The following CNN3 variants were observed in gnomAD, a reference collection of about 807,000 sequenced individuals.
CNN3 encodes calponin-3.
A neutral mutation model predicts 39.0 loss-of-function variants in CNN3; 11 were observed. The observed-to-expected ratio is 0.28, with a 90% confidence interval of 0.18 to 0.47. CNN3 has a LOEUF of 0.47. Among genes scored for constraint, CNN3 ranks in the 20% least tolerant of loss-of-function variants. The probability of loss-of-function intolerance (pLI) is 0.99; values close to 1 mark genes in which losing one functional copy is unlikely to be tolerated. For synonymous variants in CNN3, 101 were observed against 138.3 expected, an observed-to-expected ratio of 0.73 and a Z score of 1.89; for missense variants, 266 against 403.4, an observed-to-expected ratio of 0.66 and a Z score of 2.92.
chr1:94,915,938 C>A (rs1671269090), intron 1 of CNN3, among the ~76,000 whole-genome samples: 1 of 152,160 alleles, frequency 6.6e-6, no homozygotes, highest in Non-Finnish European at 1.5e-5. Flanking sequence ...CTGAGCTGGG[C>A]CCCTTCTCTT....
At chr1:94,908,228 C>G (rs1372185714) in intron 1 of CNN3, among the ~76,000 whole-genome samples, 2 of 152,178 alleles carry the variant, frequency 1.3e-5, no homozygotes, top group Non-Finnish European at 2.9e-5. Context: ...AAGAAAAAAG[C>G]CTCCTAGGGC....
At chr1:94,903,623 G>T in intron 1 of CNN3, 99 bp from the exon 2 acceptor site, 1 of 1,490,444 alleles carries the variant, frequency 6.7e-7, no homozygotes, top group South Asian at 1.2e-5. Context: ...TAAGACCACA[G>T]CTGTGAAGTG....
At chr1:94,915,824 T>C (rs553912122) in intron 1 of CNN3, among the ~76,000 whole-genome samples, 1 of 152,284 alleles carries the variant, frequency 6.6e-6, no homozygotes, top group African/African-American at 2.4e-5. Context: ...CATCAGTGGC[T>C]CTAGCATAAT....
At chr1:94,904,833 G>A (rs967626338) in intron 1 of CNN3, among the ~76,000 whole-genome samples, 2 of 152,110 alleles carry the variant, frequency 1.3e-5, no homozygotes, top group African/African-American at 4.8e-5. Context: ...TGGTGAAAAT[G>A]CCAAGTATAC....
At chr1:94,898,545 G>A (rs894357466) in intron 6 of CNN3, among the ~76,000 whole-genome samples, 11 of 152,126 alleles carry the variant, frequency 7.2e-5, no homozygotes, top group African/African-American at 2.7e-4. Context: ...AAACTATGTT[G>A]AGCAGATCTT....
intron 1 of CNN3, among the ~76,000 whole-genome samples, chr1:94,909,365 G>T (rs939772347): frequency 1.3e-5 from 2 of 152,076 alleles, no homozygotes; most frequent in African/African-American, 2.4e-5. Flanking sequence ...AGGGATAGGA[G>T]GTAACTAGGA....
chr1:94,906,759 T>A (rs1426792225), intron 1 of CNN3, among the ~76,000 whole-genome samples: 1 of 152,184 alleles, frequency 6.6e-6, no homozygotes, highest in Non-Finnish European at 1.5e-5. Context: ...TAGAGAAAAA[T>A]TATGTTAGAG....
At chr1:94,899,861 A>G (rs12410755) in intron 5 of CNN3, among the ~76,000 whole-genome samples, 33,506 of 152,140 alleles carry the variant, frequency 0.22, 3,907 homozygotes, top group African/African-American at 0.24. Context: ...GGTTATTTCA[A>G]CAGAAGTAAT....
Position 94,901,834 on chromosome 1 carries a change from G to T in CNN3, c.385-49C>A, listed in dbSNP as rs1266363319. On this transcript the variant is annotated intron_variant, in intron 4 of 6. Coordinates refer to ENST00000370206, the MANE Select transcript of CNN3 (RefSeq NM_001839.5). ...CTGAAAAGGCCAACAGAGTTTCACA[G>T]AAGGAACAACAAAGAAATGATATGT... is the stretch of plus-strand genomic sequence containing the variant. 3.8e-6 allele frequency: 5 copies of T among 1,324,774 alleles called. No homozygotes were observed. The African/African-American group carries it at 5.8e-5, about 15-fold the overall frequency. The allele number at this position is 1,324,774 out of a possible 1,614,324, so 82.1% of individuals were successfully genotyped here. A position where few individuals can be genotyped will look rare whatever the true frequency, so the allele number is the denominator to read the frequency against.
intron 1 of CNN3, among the ~76,000 whole-genome samples, chr1:94,915,694 T>C (rs6691585): frequency 6.6e-6 from 1 of 152,118 alleles, no homozygotes; most frequent in African/African-American, 2.4e-5. Context: ...CAAGGGCCAA[T>C]GGAAAGAGGA....
In CNN3 at chr1:94,897,755, C is replaced by G; in HGVS notation, c.977G>C (p.Gly326Ala). ...TTCTGTGTGGATCTAATAATCAATG[C>G]CTTGGTCGCTATATTGGTAATCTCT... ...YPRDYQYSDQ[G>A]IDY Residue 326 changes from glycine to alanine, a missense_variant, in exon 7 of 7, where the codon GGC (glycine) becomes GCC (alanine). Gly to Ala is a moderately conservative substitution (Grantham distance 60). Transcript: ENST00000370206. 2 of 1,613,100 alleles carry G rather than the reference C, an allele frequency of 1.2e-6. No homozygotes were observed. The highest frequency in any genetic ancestry group is 1.7e-6 in the Non-Finnish European group (2 of 1,179,300).
At chr1:94,898,107 A>G in intron 6 of CNN3, 24 bp from the exon 7 acceptor site, 2 of 1,581,200 alleles carry the variant, frequency 1.3e-6, no homozygotes, top group Non-Finnish European at 1.7e-6. Flanking sequence ...ATAGTATAAA[A>G]GTTAAAACAG....
At chr1:94,913,834 A>T (rs890965382) in intron 1 of CNN3, among the ~76,000 whole-genome samples, 11 of 152,216 alleles carry the variant, frequency 7.2e-5, no homozygotes, top group Non-Finnish European at 1.5e-4. Context: ...GATGGACTAG[A>T]AGCAAACAGG....
intron 1 of CNN3, among the ~76,000 whole-genome samples, chr1:94,909,371 T>A (rs1671099441): frequency 6.6e-6 from 1 of 152,232 alleles, no homozygotes; most frequent in Admixed American, 6.5e-5. Flanking sequence ...AGGAGGTAAC[T>A]AGGAACAATG....
intron 1 of CNN3, among the ~76,000 whole-genome samples, chr1:94,918,081 C>T (rs1039715652): frequency 1.3e-5 from 2 of 152,238 alleles, no homozygotes; most frequent in East Asian, 3.8e-4. Flanking sequence ...GATGCTTAGA[C>T]TCTGGCTTAA....
chr1:94,918,597 T>C (rs752647622), intron 1 of CNN3, among the ~76,000 whole-genome samples: 1 of 150,294 alleles, frequency 6.7e-6, no homozygotes, highest in Non-Finnish European at 1.5e-5. Flanking sequence ...GCCAGCACAG[T>C]TCAAAAGTTC....
At chr1:94,921,775 A>G (rs1426801595) in intron 1 of CNN3, among the ~76,000 whole-genome samples, 1 of 152,248 alleles carries the variant, frequency 6.6e-6, no homozygotes, top group African/African-American at 2.4e-5. Context: ...AAAACTCCAG[A>G]GTAAATAAGG....
intron 1 of CNN3, among the ~76,000 whole-genome samples, chr1:94,912,601 C>G (rs2101731169): frequency 6.6e-6 from 1 of 152,330 alleles, no homozygotes; most frequent in South Asian, 2.1e-4. Flanking sequence ...GAGGGGAGGT[C>G]AGGCTCCTGT....
In CNN3 at chr1:94,897,629, G is replaced by A; in HGVS notation, c.*113C>T. On this transcript the variant is annotated 3_prime_UTR_variant, in exon 7 of 7. Transcript: ENST00000370206. ...GTACGTAAGGCAATTTTTCTTAAAA[G>A]TACAATAAGCTTAATAGTGTTTTAG... 2.0e-6 allele frequency: 2 copies of A among 1,011,226 alleles called. No individual in the cohort carries two copies. The highest frequency in any genetic ancestry group is 2.9e-6 in the Non-Finnish European group (2 of 694,558). 62.6% of individuals were successfully genotyped at this position (1,011,226 alleles called of 1,614,324 possible).
Sources: allele counts gnomAD v4.1 joint callset (sites outside exome capture counted in the v4.1 genomes callset), GRCh38; gene constraint gnomAD v4.1.1; transcripts MANE v1.5; gene names NCBI Gene and HGNC (gene_info 2026-07-23, HGNC 2026-07-21).